The following TMEFF2 variants were observed in gnomAD, a reference collection of about 807,000 sequenced individuals.
The protein encoded by TMEFF2 is tomoregulin-2.
In TMEFF2, 28 loss-of-function variants were observed where a neutral mutation model predicts 53.8. The ratio of observed to expected loss-of-function variants is 0.52; its 90% CI spans 0.39 to 0.71. The LOEUF is 0.71. Ranked by LOEUF, TMEFF2 falls within the 30% of genes least tolerant of loss-of-function variation. The pLI, the probability that TMEFF2 is intolerant of heterozygous loss-of-function variation, is 0.00. For missense variants in TMEFF2, 353 were observed against 455.2 expected, an observed-to-expected ratio of 0.78 and a Z score of 2.04; for synonymous variants, 162 against 166.3, an observed-to-expected ratio of 0.97 and a Z score of 0.20.
At chr2:192,055,416 A>G (rs894045725) in intron 5 of TMEFF2, among the ~76,000 whole-genome samples, 6 of 152,178 alleles carry the variant, frequency 3.9e-5, no homozygotes, top group Non-Finnish European at 7.3e-5. Context: ...ACTTCTGGCA[A>G]TCTCTCAGTT....
intron 4 of TMEFF2, among the ~76,000 whole-genome samples, chr2:192,160,959 C>T (rs1183149804): frequency 1.3e-5 from 2 of 152,036 alleles, no homozygotes; most frequent in Non-Finnish European, 2.9e-5. Context: ...AGAGTCATCA[C>T]TCTGCCACGC....
At chr2:192,191,786 T>A in intron 2 of TMEFF2, 94 bp downstream of exon 2, 1 of 840,080 alleles carries the variant, frequency 1.2e-6, no homozygotes, top group Non-Finnish European at 1.9e-6. Context: ...TTAGCTTGCA[T>A]AGCTATAAAT....
Position 192,081,646 on chromosome 2 carries a change from A to G in TMEFF2, c.440-23871T>C, listed in dbSNP as rs760938527. Among the ~76,000 whole-genome samples the G allele has an allele frequency of 2.0e-5, 3 of 152,254 alleles. No homozygotes were observed. The South Asian group carries it at 6.2e-4, about 32-fold the overall frequency. On this transcript the variant is annotated intron_variant, in intron 4 of 9. Transcript: ENST00000272771. ...ACTCCTAATGCTTTTTAACCAACTTAGTTATTATTTTCTGTTTGCTTACCA... is the reference window on the plus strand; with the variant it reads ...ACTCCTAATGCTTTTTAACCAACTTGGTTATTATTTTCTGTTTGCTTACCA...
chr2:192,064,798 C>CA (rs1468547071), intron 4 of TMEFF2, among the ~76,000 whole-genome samples: 1 of 151,612 alleles, frequency 6.6e-6, no homozygotes. Flanking sequence ...TCCTTCTGTA[C>CA]AAAAAAGACA....
chr2:192,142,123 C>G (rs1046561082), intron 4 of TMEFF2, among the ~76,000 whole-genome samples: 2 of 151,998 alleles, frequency 1.3e-5, no homozygotes, highest in Non-Finnish European at 2.9e-5. Context: ...TGTGTGTTTT[C>G]ATTATATCTA....
intron 4 of TMEFF2, among the ~76,000 whole-genome samples, chr2:192,157,912 C>T (rs1168044531): frequency 6.6e-6 from 1 of 152,086 alleles, no homozygotes. Context: ...CTGTTCCGCA[C>T]TTCCATGTCT....
At chr2:192,165,581 T>G (rs1314688478) in intron 4 of TMEFF2, among the ~76,000 whole-genome samples, 1 of 152,148 alleles carries the variant, frequency 6.6e-6, no homozygotes, top group Admixed American at 6.6e-5. Context: ...AACAGTGATG[T>G]GTCTTTGTCA....
chr2:191,960,368 G>T (rs983238676), intron 7 of TMEFF2, among the ~76,000 whole-genome samples: 2 of 152,118 alleles, frequency 1.3e-5, no homozygotes, highest in African/African-American at 2.4e-5. Context: ...CATTGGAATG[G>T]CTTTGACAAA....
At chr2:192,093,495 A>G (rs1164365954) in intron 4 of TMEFF2, among the ~76,000 whole-genome samples, 1 of 152,146 alleles carries the variant, frequency 6.6e-6, no homozygotes, top group Non-Finnish European at 1.5e-5. Flanking sequence ...CCTTATTTTT[A>G]AAACGTAGCC....
chr2:192,176,711 T>A (rs2106030135), intron 4 of TMEFF2: 1 of 151,280 alleles, frequency 6.6e-6, no homozygotes, highest in Non-Finnish European at 1.5e-5. Flanking sequence ...GCAGTAAAAA[T>A]GTTCTCTCAA....
At chr2:192,051,630 T>C (rs1687776067) in intron 5 of TMEFF2, among the ~76,000 whole-genome samples, 1 of 152,218 alleles carries the variant, frequency 6.6e-6, no homozygotes. Context: ...AATTTACTTA[T>C]ACCTATGATG....
At chr2:192,060,340 A>G (rs758583177) in intron 4 of TMEFF2, among the ~76,000 whole-genome samples, 6 of 152,184 alleles carry the variant, frequency 3.9e-5, no homozygotes, top group African/African-American at 7.2e-5. Flanking sequence ...ACAAGTCCCC[A>G]GATGCTGCTG....
chr2:192,083,128 A>C (rs1000334586), intron 4 of TMEFF2, among the ~76,000 whole-genome samples: 2 of 152,156 alleles, frequency 1.3e-5, no homozygotes, highest in African/African-American at 4.8e-5. Context: ...CCCTTAGGAA[A>C]AAAATTTCAA....
intron 5 of TMEFF2, among the ~76,000 whole-genome samples, chr2:192,035,978 C>G (rs146740947): frequency 5.8e-4 from 88 of 152,346 alleles, no homozygotes; most frequent in African/African-American, 2.0e-3. Context: ...TTACCAAACT[C>G]TCCCCCATGA....
intron 4 of TMEFF2, among the ~76,000 whole-genome samples, chr2:192,145,770 A>T (rs1324468732): frequency 6.6e-6 from 1 of 152,116 alleles, no homozygotes; most frequent in Admixed American, 6.6e-5. Context: ...CTCAGTTTTC[A>T]TCGGTATATT....
chr2:192,146,231 C>G (rs115004337), intron 4 of TMEFF2, among the ~76,000 whole-genome samples: 1,529 of 152,012 alleles, frequency 0.01, 10 homozygotes, highest in Non-Finnish European at 0.016. Flanking sequence ...ATTCTCAGAA[C>G]ATAGGCTACT....
At chr2:192,112,048 TCTG>T (rs1432502904) in intron 4 of TMEFF2, among the ~76,000 whole-genome samples, 2 of 152,190 alleles carry the variant, frequency 1.3e-5, no homozygotes, top group Non-Finnish European at 2.9e-5. Flanking sequence ...CATGAGAACC[TCTG>T]CTAGAGCAGC....
chr2:192,009,516 C>T (rs953611896), intron 5 of TMEFF2, among the ~76,000 whole-genome samples: 2 of 152,206 alleles, frequency 1.3e-5, no homozygotes, highest in East Asian at 3.9e-4. Flanking sequence ...CTGGTATTAA[C>T]TCTTCATAAT....
intron 7 of TMEFF2, among the ~76,000 whole-genome samples, chr2:191,981,169 T>G (rs1559070760): frequency 6.6e-6 from 1 of 152,232 alleles, no homozygotes; most frequent in South Asian, 2.1e-4. Flanking sequence ...CTATTGCAAA[T>G]GAGGAAAGAG....
Sources: allele counts gnomAD v4.1 joint callset (sites outside exome capture counted in the v4.1 genomes callset), GRCh38; gene constraint gnomAD v4.1.1; transcripts MANE v1.5; gene names NCBI Gene and HGNC (gene_info 2026-07-23, HGNC 2026-07-21).